The following SEC11A variants were observed in gnomAD, a reference collection of about 807,000 sequenced individuals.
SEC11A encodes signal peptidase complex catalytic subunit SEC11A.
Under a neutral mutation model 25.6 loss-of-function variants are expected in SEC11A, and 14 were observed. The observed-to-expected ratio is 0.55, with a 90% CI of 0.36 to 0.85. The LOEUF (loss-of-function observed/expected upper bound fraction) is 0.85. SEC11A is among the 40% of genes least tolerant of loss of function. SEC11A has a pLI of 0.01. For synonymous variants in SEC11A, 83 were observed against 76.4 expected (o/e 1.09, Z -0.45); for missense variants, 153 against 222.9 (o/e 0.69, Z 2.00).
At chr15:84,698,902 A>G (rs1412195088) in intron 1 of SEC11A, among the ~76,000 whole-genome samples, 1 of 152,252 alleles carries the variant, frequency 6.6e-6, no homozygotes, top group East Asian at 1.9e-4. Context: ...GGCCCCAAGC[A>G]TTTCAGATAA....
intron 4 of SEC11A, chr15:84,671,779 G>A (rs1896989956): frequency 1.3e-5 from 2 of 152,192 alleles, no homozygotes; most frequent in Admixed American, 6.5e-5. Context: ...CTGATTGAAT[G>A]TCTGAATGTC....
chr15:84,708,849 A>G (rs1304344250), intron 1 of SEC11A, among the ~76,000 whole-genome samples: 4 of 152,178 alleles, frequency 2.6e-5, no homozygotes, highest in South Asian at 2.1e-4. Flanking sequence ...TATCACTGCA[A>G]TAACAGTTAA....
chr15:84,679,134 T>C (rs777497591), intron 4 of SEC11A: 22 of 396,896 alleles, frequency 5.5e-5, no homozygotes, highest in Admixed American at 3.4e-4. Flanking sequence ...TTTTTGATTA[T>C]TGATATTTTC....
At chr15:84,679,308 AT>A in intron 4 of SEC11A, 1 of 1,138,824 alleles carries the variant, frequency 8.8e-7, no homozygotes, top group Non-Finnish European at 1.2e-6. Context: ...TTATAAAAGT[AT>A]TTTTAGCTCC....
At chr15:84,702,093 A>AATG (rs1421991951) in intron 1 of SEC11A, among the ~76,000 whole-genome samples, 2 of 151,710 alleles carry the variant, frequency 1.3e-5, no homozygotes, top group South Asian at 2.1e-4. Flanking sequence ...TAATAATAAT[A>AATG]ATAGGGAGGT....
At chr15:84,680,884 A>G in intron 3 of SEC11A, 52 bp from the exon 4 acceptor site, 1 of 1,529,194 alleles carries the variant, frequency 6.5e-7, no homozygotes, top group Non-Finnish European at 8.9e-7. Flanking sequence ...TGGCATTTAA[A>G]GCACAAAATC....
chr15:84,693,576 G>T (rs1015436772), intron 1 of SEC11A, among the ~76,000 whole-genome samples: 1 of 151,318 alleles, frequency 6.6e-6, no homozygotes, highest in Non-Finnish European at 1.5e-5. Flanking sequence ...TCGTGCCATA[G>T]CCTCCCAAGT....
intron 2 of SEC11A, among the ~76,000 whole-genome samples, chr15:84,688,898 G>A (rs1026538455): frequency 6.6e-6 from 1 of 152,072 alleles, no homozygotes; most frequent in African/African-American, 2.4e-5. Context: ...GAGCATGGTG[G>A]CGCACGCCTG....
At chr15:84,690,573 C>T (rs951290505) in intron 2 of SEC11A, among the ~76,000 whole-genome samples, 1 of 151,728 alleles carries the variant, frequency 6.6e-6, no homozygotes, top group African/African-American at 2.4e-5. Flanking sequence ...GTTATGACGG[C>T]GCCACTGCAC....
At chr15:84,699,185 C>T (rs1382811862) in intron 1 of SEC11A, among the ~76,000 whole-genome samples, 3 of 151,828 alleles carry the variant, frequency 2.0e-5, no homozygotes, top group Non-Finnish European at 2.9e-5. Flanking sequence ...CGTGGTGGCA[C>T]GTGCCTGTGG....
At chr15:84,680,266 A>T (rs1897251744) in intron 4 of SEC11A, among the ~76,000 whole-genome samples, 1 of 151,362 alleles carries the variant, frequency 6.6e-6, no homozygotes, top group Admixed American at 6.6e-5. Context: ...GCGCTATTGC[A>T]CTCCAGCCTG....
rs112449116 is a variant in SEC11A, at chr15:84,691,224, G to T, written c.161+311C>A. Among the ~76,000 whole-genome samples the T allele has an allele frequency of 8.0e-3, 1,221 of 151,930 alleles. 9 individuals are homozygous for T. The highest frequency in any genetic ancestry group is 9.7e-3 in the Non-Finnish European group (661 of 67,960). On this transcript the variant is annotated intron_variant, in intron 2 of 5. Transcript: ENST00000268220. ...CGAGTAGCTGAGACTACAGGTCCAT[G>T]CCACCACACCCGCTAATTTTTGTAT...
At chr15:84,713,368 TA>T (rs1172097502) in intron 1 of SEC11A, among the ~76,000 whole-genome samples, 7 of 152,112 alleles carry the variant, frequency 4.6e-5, no homozygotes, top group Admixed American at 1.3e-4. Flanking sequence ...ATGCAAATAA[TA>T]GCAACTTTTA....
At chr15:84,694,523 A>T (rs1005718591) in intron 1 of SEC11A, among the ~76,000 whole-genome samples, 5 of 151,836 alleles carry the variant, frequency 3.3e-5, no homozygotes, top group African/African-American at 7.3e-5. Flanking sequence ...AAGAATATGT[A>T]AAAAAAAGCA....
At chr15:84,684,172 C>T (rs1897353722) in intron 3 of SEC11A, among the ~76,000 whole-genome samples, 1 of 152,182 alleles carries the variant, frequency 6.6e-6, no homozygotes, top group Non-Finnish European at 1.5e-5. Context: ...TGCCAGTGTT[C>T]AGTATCATCC....
At chr15:84,715,287 C>G (rs570231664) in intron 1 of SEC11A, among the ~76,000 whole-genome samples, 1 of 152,258 alleles carries the variant, frequency 6.6e-6, no homozygotes, top group South Asian at 2.1e-4. Flanking sequence ...AACAGAACAA[C>G]CTTTTCTAAG....
chr15:84,670,148 T>C (rs1481833026), intron 5 of SEC11A, 79 bp from the exon 6 acceptor site: 1 of 1,388,616 alleles, frequency 7.2e-7, no homozygotes, highest in Admixed American at 2.3e-5. Context: ...AACAAATTGG[T>C]CTTTGTGAAT....
intron 1 of SEC11A, among the ~76,000 whole-genome samples, chr15:84,698,245 T>C (rs1379689099): frequency 6.6e-6 from 1 of 152,218 alleles, no homozygotes; most frequent in African/African-American, 2.4e-5. Flanking sequence ...AAATACACCA[T>C]TGTGCTTCCT....
At chr15:84,701,329 T>C (rs1897935356) in intron 1 of SEC11A, among the ~76,000 whole-genome samples, 1 of 151,308 alleles carries the variant, frequency 6.6e-6, no homozygotes, top group Non-Finnish European at 1.5e-5. Context: ...AATAATAATT[T>C]TTTTTTTGAG....
Sources: gnomAD v4.1 joint callset for allele counts (sites outside exome capture counted in the v4.1 genomes callset) on GRCh38, gnomAD v4.1.1 for gene constraint, MANE v1.5 for transcripts, NCBI Gene and HGNC (gene_info 2026-07-23, HGNC 2026-07-21) for gene names.